Variants in RIT2 observed in about 807,000 individuals in gnomAD.
RIT2 encodes the protein Ras like without CAAX 2, also known as GTP-binding protein Rit2.
In RIT2, 24 loss-of-function variants were observed where a neutral mutation model predicts 23.7. That is an observed-to-expected ratio of 1.01 (90% CI 0.73 to 1.43). RIT2 has a LOEUF of 1.43. Among genes scored for constraint, RIT2 ranks in the 40% most tolerant of loss-of-function variants. The pLI is 0.00. For missense variants in RIT2, 236 were observed against 266.9 expected (o/e 0.88, Z 0.81); for synonymous variants, 107 against 91.1 (o/e 1.17, Z -0.99).
chr18:42,957,256 T>C (rs1209252358), intron 3 of RIT2, among the ~76,000 whole-genome samples: 1 of 152,172 alleles, frequency 6.6e-6, no homozygotes, highest in Non-Finnish European at 1.5e-5. Flanking sequence ...CCTTCATGCT[T>C]TATATTTTGA....
At chr18:43,106,282 A>G (rs1165556246) in intron 1 of RIT2, among the ~76,000 whole-genome samples, 1 of 152,252 alleles carries the variant, frequency 6.6e-6, no homozygotes, top group Non-Finnish European at 1.5e-5. Context: ...ACGCAGATTT[A>G]TGAACACAAA....
At chr18:42,782,272 GAGTAA>G (rs1334720083) in intron 4 of RIT2, among the ~76,000 whole-genome samples, 1 of 152,052 alleles carries the variant, frequency 6.6e-6, no homozygotes, top group Non-Finnish European at 1.5e-5. Flanking sequence ...ATGTATTTTT[GAGTAA>G]AGTATTTATT....
chr18:42,880,289 C>T (rs981888643), intron 4 of RIT2, among the ~76,000 whole-genome samples: 2 of 152,130 alleles, frequency 1.3e-5, no homozygotes, highest in Non-Finnish European at 2.9e-5. Flanking sequence ...GAGCATAAAT[C>T]AATTTCTTTC....
intron 4 of RIT2, among the ~76,000 whole-genome samples, chr18:42,821,695 T>TG (rs1269250460): frequency 1.3e-5 from 2 of 152,148 alleles, no homozygotes; most frequent in Non-Finnish European, 2.9e-5. Flanking sequence ...TAGTGTCCTT[T>TG]GACTACTTGC....
intron 1 of RIT2, among the ~76,000 whole-genome samples, chr18:43,052,950 GATACT>G (rs1912418331): frequency 6.6e-6 from 1 of 151,948 alleles, no homozygotes; most frequent in Non-Finnish European, 1.5e-5. Flanking sequence ...CTTTTTGATA[GATACT>G]ATTTCATGCG....
At chr18:42,993,845 C>T (rs1174120530) in intron 2 of RIT2, among the ~76,000 whole-genome samples, 1 of 152,092 alleles carries the variant, frequency 6.6e-6, no homozygotes, top group Non-Finnish European at 1.5e-5. Context: ...ACCTAATTGT[C>T]CTTACCCCAC....
intron 2 of RIT2, among the ~76,000 whole-genome samples, chr18:43,018,491 A>C (rs776866661): frequency 4.6e-5 from 7 of 152,052 alleles, no homozygotes; most frequent in Non-Finnish European, 1.0e-4. Context: ...TGTATCCCCA[A>C]ATCAAAACAG....
At chr18:43,036,236 C>T (rs551666941) in intron 1 of RIT2, among the ~76,000 whole-genome samples, 8 of 152,174 alleles carry the variant, frequency 5.3e-5, no homozygotes, top group South Asian at 2.1e-4. Flanking sequence ...TTACCTGTTA[C>T]AGTTATTTAT....
chr18:43,100,459 AGTTTAAAG>A (rs1913657320), intron 1 of RIT2, among the ~76,000 whole-genome samples: 1 of 152,188 alleles, frequency 6.6e-6, no homozygotes, highest in Non-Finnish European at 1.5e-5. Context: ...GCCATGGTAG[AGTTTAAAG>A]CACAGTAATG....
At chr18:43,089,330 CAT>C (rs1913363067) in intron 1 of RIT2, among the ~76,000 whole-genome samples, 1 of 151,720 alleles carries the variant, frequency 6.6e-6, no homozygotes, top group African/African-American at 2.4e-5. Context: ...TCACAATTGC[CAT>C]AAAAAAGAAT....
intron 1 of RIT2, among the ~76,000 whole-genome samples, chr18:43,104,015 T>A (rs1913750141): frequency 6.6e-6 from 1 of 151,998 alleles, no homozygotes; most frequent in Non-Finnish European, 1.5e-5. Context: ...GCACAGTAAC[T>A]GAGATATGGA....
At chr18:43,048,105 C>T (rs1912291030) in intron 1 of RIT2, among the ~76,000 whole-genome samples, 1 of 152,122 alleles carries the variant, frequency 6.6e-6, no homozygotes, top group Non-Finnish European at 1.5e-5. Flanking sequence ...TATGCTGGGA[C>T]CTGAACAATT....
At chr18:43,114,718 GAC>G (rs574810913) in intron 1 of RIT2, among the ~76,000 whole-genome samples, 257 of 152,072 alleles carry the variant, frequency 1.7e-3, no homozygotes, top group African/African-American at 5.8e-3. Flanking sequence ...CCCAACAACT[GAC>G]ACTTCCGTTC....
intron 4 of RIT2, among the ~76,000 whole-genome samples, chr18:42,783,107 GTA>G (rs1390740139): frequency 6.6e-6 from 1 of 152,062 alleles, no homozygotes; most frequent in Non-Finnish European, 1.5e-5. Flanking sequence ...TTCATTCTGA[GTA>G]TTAGTGTCTT....
intron 4 of RIT2, among the ~76,000 whole-genome samples, chr18:42,811,555 G>T (rs558402151): frequency 6.6e-6 from 1 of 152,128 alleles, no homozygotes; most frequent in African/African-American, 2.4e-5. Context: ...CTTCCTTAAT[G>T]ATGAGATCTA....
chr18:43,081,616 C>G (rs1913159814), intron 1 of RIT2, among the ~76,000 whole-genome samples: 2 of 152,086 alleles, frequency 1.3e-5, no homozygotes, highest in African/African-American at 4.8e-5. Flanking sequence ...GACAAGCAAA[C>G]TAGGGTATCA....
At chr18:42,957,794 TTAAC>T (rs763314285) in intron 3 of RIT2, among the ~76,000 whole-genome samples, 2 of 152,070 alleles carry the variant, frequency 1.3e-5, no homozygotes, top group African/African-American at 2.4e-5. Context: ...AAAAAATTAA[TTAAC>T]TAATTAATTG....
chr18:42,955,217 T>A (rs932659679), intron 3 of RIT2, among the ~76,000 whole-genome samples: 1 of 152,224 alleles, frequency 6.6e-6, no homozygotes, highest in African/African-American at 2.4e-5. Context: ...ATAATACTAC[T>A]GTCATTTCAG....
chr18:42,923,540 G>T (rs996391217), intron 4 of RIT2, 32 bp downstream of exon 4: 9 of 1,594,356 alleles, frequency 5.6e-6, no homozygotes, highest in African/African-American at 1.3e-5. Flanking sequence ...CAGAGCAAAA[G>T]ACAGAAGCTA....
Sources: allele counts gnomAD v4.1 joint callset (sites outside exome capture counted in the v4.1 genomes callset), GRCh38; gene constraint gnomAD v4.1.1; transcripts MANE v1.5; gene names NCBI Gene and HGNC (gene_info 2026-07-23, HGNC 2026-07-21).